DCC: variants seen among roughly 807,000 people sequenced by gnomAD.
The protein encoded by DCC is DCC netrin 1 receptor.
Under a neutral mutation model 172.5 loss-of-function variants are expected in DCC, and 58 were observed. The observed-to-expected ratio is 0.34, with a 90% CI of 0.27 to 0.42. DCC has a LOEUF of 0.42. Ranked by LOEUF, DCC falls within the 10% of genes least tolerant of loss-of-function variation. The probability of loss-of-function intolerance (pLI) is 1.00; values close to 1 mark genes in which losing one functional copy is unlikely to be tolerated. For missense variants in DCC, 1,740 were observed against 1,791.0 expected, an observed-to-expected ratio of 0.97 and a Z score of 0.51; for synonymous variants, 709 against 644.5, an observed-to-expected ratio of 1.10 and a Z score of -1.52.
intron 7 of DCC, among the ~76,000 whole-genome samples, chr18:53,066,396 T>TGC (rs2042570862): frequency 7.8e-6 from 1 of 128,042 alleles, no homozygotes; most frequent in Admixed American, 7.8e-5. Flanking sequence ...TATATATATA[T>TGC]ATGTGCATGT....
At chr18:53,256,565 G>A (rs541276409) in intron 12 of DCC, among the ~76,000 whole-genome samples, 25 of 152,102 alleles carry the variant, frequency 1.6e-4, no homozygotes, top group Non-Finnish European at 2.5e-4. Flanking sequence ...TGTTCCATTG[G>A]TCTATATCTC....
chr18:53,455,959 AG>A (rs1555674028), intron 23 of DCC, among the ~76,000 whole-genome samples: 8 of 152,260 alleles, frequency 5.3e-5, no homozygotes, highest in Non-Finnish European at 1.2e-4. Context: ...TAAATAAATA[AG>A]TGTTGTAAAA....
intron 15 of DCC, among the ~76,000 whole-genome samples, chr18:53,369,305 AG>A (rs2058036465): frequency 6.6e-6 from 1 of 151,942 alleles, no homozygotes; most frequent in African/African-American, 2.4e-5. Flanking sequence ...TTGCTCTAAA[AG>A]GTGTTTTGGT....
At chr18:52,535,366 A>G (rs1325441907) in intron 1 of DCC, among the ~76,000 whole-genome samples, 2 of 152,196 alleles carry the variant, frequency 1.3e-5, no homozygotes, top group Non-Finnish European at 2.9e-5. Flanking sequence ...AGTAGAGCCA[A>G]ACTGAACGTG....
intron 1 of DCC, among the ~76,000 whole-genome samples, chr18:52,745,047 G>A (rs1451831872): frequency 1.3e-5 from 2 of 152,132 alleles, no homozygotes; most frequent in South Asian, 2.1e-4. Context: ...ATGGGGTAAG[G>A]CCATTTGGGG....
At chr18:53,009,450 G>A (rs1222940567) in intron 5 of DCC, among the ~76,000 whole-genome samples, 1 of 151,916 alleles carries the variant, frequency 6.6e-6, no homozygotes, top group Non-Finnish European at 1.5e-5. Flanking sequence ...GTGTCACTAA[G>A]TTGGTTATGC....
At chr18:52,637,502 T>C (rs2034805324) in intron 1 of DCC, among the ~76,000 whole-genome samples, 1 of 152,228 alleles carries the variant, frequency 6.6e-6, no homozygotes, top group East Asian at 1.9e-4. Flanking sequence ...TTGGAGGCGC[T>C]TTTGGAAATG....
At chr18:52,665,242 G>A (rs891281921) in intron 1 of DCC, among the ~76,000 whole-genome samples, 1 of 152,116 alleles carries the variant, frequency 6.6e-6, no homozygotes, top group African/African-American at 2.4e-5. Context: ...AGAGCTGAGG[G>A]CTGATGGGTT....
rs532775469 is a variant in DCC, at chr18:53,151,459, C to G, written c.1262-5897C>G. ...TTAGCTTCATGCGTAACAGTAGGAA[C>G]ATGATAGATATTCCATCAATATTCA... On this transcript the variant is annotated intron_variant, in intron 7 of 28. Coordinates refer to ENST00000442544, the MANE Select transcript of DCC (RefSeq NM_005215.4). 5.3e-5 allele frequency among the ~76,000 whole-genome samples: 8 copies of G among 152,272 alleles called. No homozygotes were observed. In the South Asian group the frequency reaches 1.5e-3, roughly 28 times the overall value.
At chr18:52,798,836 T>A (rs1384923927) in intron 2 of DCC, among the ~76,000 whole-genome samples, 5 of 151,702 alleles carry the variant, frequency 3.3e-5, no homozygotes, top group Non-Finnish European at 7.4e-5. Flanking sequence ...CCCTGCAACC[T>A]CCCCCTCCCA....
intron 5 of DCC, among the ~76,000 whole-genome samples, chr18:53,009,200 T>A (rs1490947539): frequency 1.3e-5 from 2 of 151,996 alleles, no homozygotes; most frequent in African/African-American, 4.8e-5. Flanking sequence ...CTTTCTTATT[T>A]ATTTAAAACT....
chr18:53,227,702 G>A (rs897071662), intron 12 of DCC, among the ~76,000 whole-genome samples: 7 of 152,134 alleles, frequency 4.6e-5, no homozygotes, highest in African/African-American at 1.7e-4. Flanking sequence ...AATGCAACTG[G>A]TGGAAATTAC....
intron 2 of DCC, among the ~76,000 whole-genome samples, chr18:52,756,094 GC>G (rs1349955615): frequency 6.6e-6 from 1 of 152,184 alleles, no homozygotes; most frequent in Non-Finnish European, 1.5e-5. Flanking sequence ...GAATACCTGG[GC>G]TATTAAGCCT....
chr18:53,309,707 G>T (rs1336434910), intron 13 of DCC, among the ~76,000 whole-genome samples: 1 of 151,962 alleles, frequency 6.6e-6, no homozygotes, highest in Admixed American at 6.6e-5. Context: ...CAAAAGCAAA[G>T]TGAGATGAAT....
intron 23 of DCC, among the ~76,000 whole-genome samples, chr18:53,451,478 G>C (rs1440707528): frequency 1.3e-5 from 2 of 152,060 alleles, no homozygotes; most frequent in Admixed American, 6.6e-5. Context: ...AATTCAGCCT[G>C]ATGTGTCTTT....
At chr18:52,809,663 T>G (rs1386584251) in intron 2 of DCC, among the ~76,000 whole-genome samples, 1 of 152,048 alleles carries the variant, frequency 6.6e-6, no homozygotes, top group African/African-American at 2.4e-5. Context: ...CAAACAGCAG[T>G]GGGGGACGGT....
chr18:53,328,592 T>TGG (rs1329879345), intron 14 of DCC, among the ~76,000 whole-genome samples: 1 of 152,158 alleles, frequency 6.6e-6, no homozygotes, highest in Non-Finnish European at 1.5e-5. Context: ...TGGAGTGCAA[T>TGG]GGTGTGATCT....
chr18:53,322,054 G>A lies in DCC; in HGVS notation c.2061G>A (p.Glu687=), dbSNP rs529691019. Residue 687 remains glutamate, a synonymous_variant, in exon 14 of 29, where the codon GAG becomes GAA. Transcript: ENST00000442544. The part of the protein sequence containing the change: ...NNLWYLFTGL[E]KGSQYSFQVS... ...TGGAAAATTCTTTCATAGGACTGGA[G>A]AAAGGAAGTCAGTACAGTTTCCAGG... The A allele has an allele frequency of 4.0e-5, 64 of 1,594,496 alleles. No homozygotes were observed. In the South Asian group the frequency reaches 6.4e-4, roughly 16 times the overall value.
At chr18:52,978,711 G>T (rs977509624) in intron 5 of DCC, among the ~76,000 whole-genome samples, 4 of 152,124 alleles carry the variant, frequency 2.6e-5, no homozygotes, top group Admixed American at 1.3e-4. Flanking sequence ...GACAAAGAAC[G>T]AGGACTATAT....
Sources: allele counts gnomAD v4.1 joint callset (sites outside exome capture counted in the v4.1 genomes callset), GRCh38; gene constraint gnomAD v4.1.1; transcripts MANE v1.5; gene names NCBI Gene and HGNC (gene_info 2026-07-23, HGNC 2026-07-21).